Variants in GSC2 observed in about 807,000 individuals in gnomAD.
The protein encoded by GSC2 is goosecoid homeobox 2.
Under a neutral mutation model 11.3 loss-of-function variants are expected in GSC2, and 12 were observed. That is an observed-to-expected ratio of 1.06 (90% CI 0.68 to 1.72). GSC2 has a LOEUF of 1.72. GSC2 is among the 40% of genes most tolerant of loss of function. GSC2 has a pLI of 0.00. For missense variants in GSC2, 310 were observed against 235.7 expected (o/e 1.32, Z -2.06); for synonymous variants, 148 against 110.0 (o/e 1.35, Z -2.16).
rs782339307 is a variant in GSC2 at position 19,149,655 on chromosome 22, G to C, written c.513+8C>G. 2.0e-6 allele frequency: 3 copies of C among 1,530,984 alleles called. No homozygotes were observed. The highest frequency in any genetic ancestry group is 2.6e-6 in the Non-Finnish European group (3 of 1,143,880). The allele number at this position is 1,530,984 out of a possible 1,614,324, so 94.8% of individuals were successfully genotyped here. A position where few individuals can be genotyped will look rare whatever the true frequency, so the allele number is the denominator to read the frequency against. ...GCGCTCCGGGGAAAGGCTGGGCGGG[G>C]CACTCACCTCCACGCGCTCCTCGCG... On this transcript the variant is annotated splice_region_variant and intron_variant, in intron 2 of 2. Transcript: ENST00000086933.
rs1260169756 is a variant in GSC2, at chr22:19,148,078, G to C, written c.*913C>G. On this transcript the variant is annotated 3_prime_UTR_variant, in exon 3 of 3. Transcript: ENST00000086933. ...ACCCTAGGATGGCACAGATTGCTGT[G>C]AGGGAGTCCGAGCCCACAGCATGAA... Among the ~76,000 whole-genome samples the C allele has an allele frequency of 6.6e-6, 1 of 152,162 alleles. No individual in the cohort carries two copies. Among genetic ancestry groups the C allele is most frequent in the African/African-American group, 2.4e-5 (1 of 41,444 alleles).
Position 19,148,245 on chromosome 22 carries a change from G to A in GSC2, c.*746C>T, listed in dbSNP as rs934017725. Among the ~76,000 whole-genome samples, 19 of 152,132 alleles carry A rather than the reference G, an allele frequency of 1.2e-4. No homozygotes were observed. Among genetic ancestry groups the A allele is most frequent in the Non-Finnish European group, 2.5e-4 (17 of 68,026 alleles). Reference sequence around the variant, plus strand: ...GGAGCACCCTGGTGCAGAGACTGAGGATCGCTGAGCTGTGCTCCTCTCAAA... The same window carrying A: ...GGAGCACCCTGGTGCAGAGACTGAGAATCGCTGAGCTGTGCTCCTCTCAAA... On this transcript the variant is annotated 3_prime_UTR_variant, in exon 3 of 3. Coordinates refer to ENST00000086933, the MANE Select transcript of GSC2 (RefSeq NM_005315.2).
Position 19,148,929 on chromosome 22 carries a change from T to C in GSC2, c.*62A>G, listed in dbSNP as rs2083808336. ...CCTTTTCGGGTAGACCTGTCTTCTC[T>C]CAGCGCCAACTCCAAAGATCCCAAA... On this transcript the variant is annotated 3_prime_UTR_variant, in exon 3 of 3. Coordinates refer to ENST00000086933, the MANE Select transcript of GSC2 (RefSeq NM_005315.2). 11 of 1,010,620 alleles carry C rather than the reference T, an allele frequency of 1.1e-5. No individual in the cohort carries two copies. The highest frequency in any genetic ancestry group is 1.5e-5 in the Non-Finnish European group (10 of 669,838). The allele number at this position is 1,010,620 out of a possible 1,614,324, so 62.6% of individuals were successfully genotyped here.
In GSC2 at chr22:19,147,394, G is replaced by C. The variant is rs977527898; in HGVS notation, c.*1597C>G. On this transcript the variant is annotated 3_prime_UTR_variant, in exon 3 of 3. Transcript: ENST00000086933. ...TGGGGGGTCAGCCTGCCAAGGAGCA[G>C]CTAGAGCTCAAGAAGCAAATTCAGG... Among the ~76,000 whole-genome samples, 1 of 152,186 alleles carries C rather than the reference G, an allele frequency of 6.6e-6. No individual in the cohort carries two copies. The highest frequency in any genetic ancestry group is 6.5e-5 in the Admixed American group (1 of 15,284).
In GSC2 at chr22:19,148,731, G is replaced by A. The variant is rs1310082899; in HGVS notation, c.*260C>T. ...CGGTGGAGTTAGTGTCTCTCGGGGG[G>A]TAGGGAGCTGAGGAAACTGCTCTAT... is the stretch of plus-strand genomic sequence containing the variant. On this transcript the variant is annotated 3_prime_UTR_variant, in exon 3 of 3. Transcript: ENST00000086933. The A allele has an allele frequency of 6.5e-6, 3 of 459,450 alleles. No homozygotes were observed. Among genetic ancestry groups the A allele is most frequent in the African/African-American group, 2.0e-5 (1 of 49,156 alleles). 28.5% of individuals were successfully genotyped at this position (459,450 alleles called of 1,614,324 possible). A position where few individuals can be genotyped will look rare whatever the true frequency, so the allele number is the denominator to read the frequency against.
chr22:19,149,282 T>G (rs1555917899), intron 2 of GSC2, among the ~76,000 whole-genome samples, 187 bp from the exon 3 acceptor site: 1 of 152,142 alleles, frequency 6.6e-6, no homozygotes, highest in East Asian at 1.9e-4. Flanking sequence ...TCGGTGGGTC[T>G]GGACGCGAGA....
chr22:19,150,253 G>A lies in GSC2; in HGVS notation c.31C>T (p.Arg11Cys), dbSNP rs781881950. The A allele has an allele frequency of 1.3e-5, 3 of 229,462 alleles. No homozygotes were observed. Among genetic ancestry groups the A allele is most frequent in the Non-Finnish European group, 2.4e-5 (3 of 126,234 alleles). 14.2% of individuals were successfully genotyped at this position (229,462 alleles called of 1,614,324 possible). Residue 11 changes from arginine to cysteine, a missense_variant, in exon 1 of 3, where the codon CGC becomes TGC. By Grantham distance (180) the Arg-to-Cys change is radical. Transcript: ENST00000086933. Reference sequence around the variant, plus strand: ...GGGCAGGGCCGCCCGGCACCCCGGCGGCTCGCCGCGCCCCCAGCCGCTGCC... The same window carrying A: ...GGGCAGGGCCGCCCGGCACCCCGGCAGCTCGCCGCGCCCCCAGCCGCTGCC... MAAAAGGAAS[R>C]RGAGRPCPFS...
Position 19,147,538 on chromosome 22 carries a change from A to G in GSC2, c.*1453T>C, listed in dbSNP as rs570723887. Among the ~76,000 whole-genome samples, 2 of 152,304 alleles carry G rather than the reference A, an allele frequency of 1.3e-5. No homozygotes were observed. Among genetic ancestry groups the G allele is most frequent in the South Asian group, 4.1e-4 (2 of 4,824 alleles). ...ACTCAAGGGGCCTGGAGCCTGTGAG[A>G]TGCGAGTGTCCCCAGCTGCAAGGGA... On this transcript the variant is annotated 3_prime_UTR_variant, in exon 3 of 3. Coordinates refer to ENST00000086933, the MANE Select transcript of GSC2 (RefSeq NM_005315.2).
chr22:19,149,493 C>T (rs1555917986), intron 2 of GSC2, among the ~76,000 whole-genome samples, 170 bp downstream of exon 2: 1 of 152,252 alleles, frequency 6.6e-6, no homozygotes, highest in East Asian at 1.9e-4. Context: ...CTCTCACCCG[C>T]TCCTCATACC....
Position 19,150,273 on chromosome 22 carries a change from G to T in GSC2, c.11C>A (p.Ala4Glu), listed in dbSNP as rs1555918236. The T allele has an allele frequency of 5.1e-6, 1 of 194,288 alleles. No individual in the cohort carries two copies. The highest frequency in any genetic ancestry group is 9.8e-6 in the Non-Finnish European group (1 of 101,598). The allele number at this position is 194,288 out of a possible 1,614,324, so 12.0% of individuals were successfully genotyped here. Residue 4 changes from alanine to glutamate, a missense_variant, in exon 1 of 3, where the codon GCG (alanine) becomes GAG (glutamate). Transcript: ENST00000086933. Reference protein sequence around the residue: MAAAAGGAASRRGA... With the variant: MAAEAGGAASRRGA... The stretch of plus-strand genomic sequence containing the variant: ...CCGGCGGCTCGCCGCGCCCCCAGCC[G>T]CTGCCGCCATGCCCGGCCCGGCCGG...
rs2083815633 is a variant in GSC2, at chr22:19,149,653, G to A, written c.513+10C>T. Reference sequence around the variant, plus strand: ...GCGCGCTCCGGGGAAAGGCTGGGCGGGGCACTCACCTCCACGCGCTCCTCG... The same window carrying A: ...GCGCGCTCCGGGGAAAGGCTGGGCGAGGCACTCACCTCCACGCGCTCCTCG... On this transcript the variant is annotated intron_variant, in intron 2 of 2. Coordinates refer to ENST00000086933, the MANE Select transcript of GSC2 (RefSeq NM_005315.2). 1.3e-6 allele frequency: 2 copies of A among 1,527,962 alleles called. No individual in the cohort carries two copies. The highest frequency in any genetic ancestry group is 1.8e-6 in the Non-Finnish European group (2 of 1,142,600). The allele number at this position is 1,527,962 out of a possible 1,614,324, so 94.7% of individuals were successfully genotyped here.
intron 2 of GSC2, 24 bp downstream of exon 2, chr22:19,149,639 G>T: frequency 1.3e-6 from 2 of 1,508,516 alleles, no homozygotes; most frequent in Non-Finnish European, 1.8e-6. Flanking sequence ...CGCGCTCCGG[G>T]GAAAGGCTGG....
At chr22:19,149,401 G>A (rs911770510) in intron 2 of GSC2, among the ~76,000 whole-genome samples, 2 of 152,240 alleles carry the variant, frequency 1.3e-5, no homozygotes, top group Admixed American at 6.5e-5. Flanking sequence ...GTGAACGCGG[G>A]CCTCTTTCGT....
In GSC2 at chr22:19,150,028, G is replaced by C; in HGVS notation, c.256C>G (p.Leu86Val). 9.8e-7 allele frequency: 1 copy of C among 1,024,342 alleles called. No homozygotes were observed. The highest frequency in any genetic ancestry group is 1.2e-6 in the Non-Finnish European group (1 of 857,448). 63.5% of individuals were successfully genotyped at this position (1,024,342 alleles called of 1,614,324 possible). A position where few individuals can be genotyped will look rare whatever the true frequency, so the allele number is the denominator to read the frequency against. Residue 86 changes from leucine (L) to valine (V), a missense_variant, in exon 1 of 3, where the codon CTG becomes GTG. By Grantham distance (32) the Leu-to-Val change is conservative. Coordinates refer to ENST00000086933, the MANE Select transcript of GSC2 (RefSeq NM_005315.2). Reference protein sequence around the residue: ...PCGPPEAAAGLGARLAWPLRL... With the variant: ...PCGPPEAAAGVGARLAWPLRL... ...GCCCCGCTCCGCGCCCACTCACCCA[G>C]CCCGGCGGCCGCCTCTGGGGGCCCG...
Position 19,150,217 on chromosome 22 carries a change from C to A in GSC2, c.67G>T (p.Glu23Ter). The A allele has an allele frequency of 2.7e-6, 1 of 375,338 alleles. No homozygotes were observed. Among genetic ancestry groups the A allele is most frequent in the Non-Finnish European group, 4.1e-6 (1 of 246,274 alleles). 23.3% of individuals were successfully genotyped at this position (375,338 alleles called of 1,614,324 possible). ...TCGGGCAGGCTGGAGAGGATGTGCT[C>A]GATGGAGAAGGGGCAGGGCCGCCCG... ...GAGRPCPFSI[E>*]HILSSLPERS... is the part of the protein sequence containing the mutation. Residue 23 changes from glutamate (E) to a stop codon, truncating the protein, a stop_gained, in exon 1 of 3, where the codon GAG (glutamate) becomes TAG (stop). Transcript: ENST00000086933. LOFTEE classifies it high-confidence loss of function.
Position 19,148,654 on chromosome 22 carries a change from C to G in GSC2, c.*337G>C. On this transcript the variant is annotated 3_prime_UTR_variant, in exon 3 of 3. Coordinates refer to ENST00000086933, the MANE Select transcript of GSC2 (RefSeq NM_005315.2). ...ATGTCCCAGGGTGCGGAGAGACGCT[C>G]CACTGCGTAGGATTCTGGGTCCCGT... The G allele has an allele frequency of 3.7e-6, 1 of 271,062 alleles. No homozygotes were observed. Among genetic ancestry groups the G allele is most frequent in the African/African-American group, 2.2e-5 (1 of 45,078 alleles). 16.8% of individuals were successfully genotyped at this position (271,062 alleles called of 1,614,324 possible). A position where few individuals can be genotyped will look rare whatever the true frequency, so the allele number is the denominator to read the frequency against.
Position 19,149,108 on chromosome 22 carries a change from G to A in GSC2, c.514-13C>T. On this transcript the variant is annotated splice_polypyrimidine_tract_variant and intron_variant, in intron 2 of 2. Coordinates refer to ENST00000086933, the MANE Select transcript of GSC2 (RefSeq NM_005315.2). ...TCTTGAACCAGACCTGGGGATGGGG[G>A]GAATGCTCAGCCCTAGCCCCAGGTC... 1 of 1,502,154 alleles carries A rather than the reference G, an allele frequency of 6.7e-7. No homozygotes were observed. Among genetic ancestry groups the A allele is most frequent in the Non-Finnish European group, 9.1e-7 (1 of 1,100,222 alleles). The allele number at this position is 1,502,154 out of a possible 1,614,324, so 93.1% of individuals were successfully genotyped here.
Position 19,150,050 on chromosome 22 carries a change from C to T in GSC2, c.234G>A (p.Gly78=). The change falls in exon 1 of 3, where the codon GGG becomes GGA. Residue 78 remains glycine (G), a synonymous_variant. Transcript: ENST00000086933. ...CCAGCCCGGCGGCCGCCTCTGGGGG[C>T]CCGCAGGGCGCCGCGCGGGGGCCGC... ...CCCGPRAAPC[G]PPEAAAGLGA... The T allele has an allele frequency of 6.0e-6, 6 of 1,004,368 alleles. No homozygotes were observed. In the South Asian group the frequency reaches 1.3e-4, roughly 23 times the overall value. The allele number at this position is 1,004,368 out of a possible 1,614,324, so 62.2% of individuals were successfully genotyped here. A position where few individuals can be genotyped will look rare whatever the true frequency, so the allele number is the denominator to read the frequency against.
rs1309997551 is a variant in GSC2 at position 19,147,747 on chromosome 22, C to T, written c.*1244G>A. 2.0e-5 allele frequency among the ~76,000 whole-genome samples: 3 copies of T among 152,110 alleles called. No individual in the cohort carries two copies. Among genetic ancestry groups the T allele is most frequent in the African/African-American group, 7.2e-5 (3 of 41,406 alleles). ...CTTGCTTGGTGTTATCCAAGCTGGCCAGCCTTGGGGTGTCTGGGGAGCTGC... is the reference window on the plus strand; with the variant it reads ...CTTGCTTGGTGTTATCCAAGCTGGCTAGCCTTGGGGTGTCTGGGGAGCTGC... On this transcript the variant is annotated 3_prime_UTR_variant, in exon 3 of 3. Transcript: ENST00000086933.
Sources: gnomAD v4.1 joint callset for allele counts (sites outside exome capture counted in the v4.1 genomes callset) on GRCh38, gnomAD v4.1.1 for gene constraint, MANE v1.5 for transcripts, NCBI Gene and HGNC (gene_info 2026-07-23, HGNC 2026-07-21) for gene names.